Variants in RSPO2 observed in about 807,000 individuals in gnomAD.
RSPO2 encodes the protein R-spondin 2.
Under a neutral mutation model 30.9 loss-of-function variants are expected in RSPO2, and 14 were observed. The ratio of observed to expected loss-of-function variants is 0.45; its 90% CI spans 0.30 to 0.71. RSPO2 has a LOEUF of 0.71. Among genes scored for constraint, RSPO2 ranks in the 30% least tolerant of loss-of-function variants. The probability of loss-of-function intolerance (pLI) is 0.08; values close to 1 mark genes in which losing one functional copy is unlikely to be tolerated. For missense variants in RSPO2, 264 were observed against 301.9 expected, an observed-to-expected ratio of 0.87 and a Z score of 0.93; for synonymous variants, 107 against 96.4, an observed-to-expected ratio of 1.11 and a Z score of -0.64.
Position 107,953,207 on chromosome 8 carries a change from C to A in RSPO2, c.616+4873G>T, listed in dbSNP as rs1423362562. On this transcript the variant is annotated intron_variant, in intron 5 of 5. Transcript: ENST00000276659. Reference sequence around the variant, plus strand: ...GAGATGGGGATCAGGTTACCCAGGGCTTCTGTGTAGGCCAAGGAGCAATGG... The same window carrying A: ...GAGATGGGGATCAGGTTACCCAGGGATTCTGTGTAGGCCAAGGAGCAATGG... Among the ~76,000 whole-genome samples, 3 of 152,196 alleles carry A rather than the reference C, an allele frequency of 2.0e-5. No individual in the cohort carries two copies. In the East Asian group the frequency reaches 5.8e-4, roughly 29 times the overall value.
At chr8:107,916,345 C>T (rs768233550) in intron 5 of RSPO2, among the ~76,000 whole-genome samples, 4 of 152,118 alleles carry the variant, frequency 2.6e-5, no homozygotes, top group Non-Finnish European at 4.4e-5. Context: ...GTTAGCCATG[C>T]CCCACCTAGT....
chr8:108,001,002 T>TA (rs577921094), intron 2 of RSPO2, among the ~76,000 whole-genome samples: 2 of 143,450 alleles, frequency 1.4e-5, no homozygotes, highest in Non-Finnish European at 3.0e-5. Context: ...CACTCTGTCT[T>TA]AAAAAAATAA....
In RSPO2 at chr8:107,939,246, A is replaced by G. The variant is rs191348119; in HGVS notation, c.616+18834T>C. Among the ~76,000 whole-genome samples, 14 of 152,156 alleles carry G rather than the reference A, an allele frequency of 9.2e-5. No individual in the cohort carries two copies. The East Asian group carries it at 2.5e-3, about 27-fold the overall frequency. ...TCATTTTCTGCAGAATGTTTCAGAA[A>G]CTTGAAACCTCCCACACTTTCCCCA... is the stretch of plus-strand genomic sequence containing the variant. On this transcript the variant is annotated intron_variant, in intron 5 of 5. Transcript: ENST00000276659.
chr8:108,082,411 G>A, intron 2 of RSPO2, 134 bp downstream of exon 2: 4 of 658,170 alleles, frequency 6.1e-6, no homozygotes, highest in Non-Finnish European at 1.1e-5. Flanking sequence ...TAAAGGTGGG[G>A]ACTGGGGACC....
At chr8:107,945,241 C>CTTTT (rs754722790) in intron 5 of RSPO2, among the ~76,000 whole-genome samples, 1,004 of 74,852 alleles carry the variant, frequency 0.013, 11 homozygotes, top group East Asian at 0.026. Context: ...ATTCTTTTAC[C>CTTTT]TTTTTTTTTT....
At chr8:108,056,623 C>CAAAAAAAAAAAACAAAAAAAGAA (rs1812253753) in intron 2 of RSPO2, among the ~76,000 whole-genome samples, 1 of 71,844 alleles carries the variant, frequency 1.4e-5, no homozygotes, top group African/African-American at 6.3e-5. Flanking sequence ...AGACCCGTCT[C>CAAAAAAAAAAAACAAAAAAAGAA]AAAAAAAAAA....
At chr8:107,964,393 C>T (rs777535743) in intron 3 of RSPO2, among the ~76,000 whole-genome samples, 2 of 152,154 alleles carry the variant, frequency 1.3e-5, no homozygotes, top group Admixed American at 6.5e-5. Flanking sequence ...AGGCATCATG[C>T]GCCACCATGC....
At chr8:108,063,480 T>TGC (rs1251793220) in intron 2 of RSPO2, among the ~76,000 whole-genome samples, 8 of 151,764 alleles carry the variant, frequency 5.3e-5, no homozygotes, top group Non-Finnish European at 2.9e-5. Context: ...ACAAGGGACA[T>TGC]GAAGGACCTC....
At chr8:107,904,851 A>G (rs1283255323) in intron 5 of RSPO2, among the ~76,000 whole-genome samples, 1 of 152,146 alleles carries the variant, frequency 6.6e-6, no homozygotes, top group Non-Finnish European at 1.5e-5. Flanking sequence ...CTCAAAATGA[A>G]CAAAATTAGA....
At chr8:107,988,687 G>T (rs761554880) in intron 3 of RSPO2, among the ~76,000 whole-genome samples, 6 of 152,094 alleles carry the variant, frequency 3.9e-5, no homozygotes, top group Non-Finnish European at 8.8e-5. Context: ...GAGCACAGCG[G>T]TGCTATCTCA....
chr8:107,972,190 GGA>G (rs1814024375), intron 3 of RSPO2, among the ~76,000 whole-genome samples: 2 of 151,766 alleles, frequency 1.3e-5, no homozygotes, highest in African/African-American at 4.8e-5. Context: ...CTGTCACCCG[GGA>G]TGGAGTGCAG....
intron 2 of RSPO2, among the ~76,000 whole-genome samples, chr8:108,065,895 G>T (rs1214215647): frequency 3.3e-5 from 5 of 152,034 alleles, no homozygotes; most frequent in Non-Finnish European, 7.4e-5. Context: ...AAAATTAGCT[G>T]GGCATGGTGG....
intron 2 of RSPO2, among the ~76,000 whole-genome samples, chr8:108,022,661 C>T (rs1438472239): frequency 6.6e-6 from 1 of 152,114 alleles, no homozygotes; most frequent in Non-Finnish European, 1.5e-5. Flanking sequence ...CATGGTGGCT[C>T]ATGCCTGTAA....
intron 2 of RSPO2, among the ~76,000 whole-genome samples, chr8:107,995,960 C>A (rs771541272): frequency 6.6e-6 from 1 of 151,976 alleles, no homozygotes; most frequent in Non-Finnish European, 1.5e-5. Flanking sequence ...CATAGCTGAC[C>A]AAAAATAAGC....
chr8:108,056,623 CAAAAA>C (rs56256415), intron 2 of RSPO2, among the ~76,000 whole-genome samples: 50 of 71,830 alleles, frequency 7.0e-4, no homozygotes, highest in Middle Eastern at 7.8e-3. Context: ...AGACCCGTCT[CAAAAA>C]AAAAAAAAAA....
intron 3 of RSPO2, among the ~76,000 whole-genome samples, chr8:107,969,035 G>C (rs1329658636): frequency 6.6e-6 from 1 of 152,026 alleles, no homozygotes; most frequent in Non-Finnish European, 1.5e-5. Context: ...TGAACATTAG[G>C]AACCAGGAGT....
At chr8:107,976,365 G>A (rs1473290412) in intron 3 of RSPO2, among the ~76,000 whole-genome samples, 1 of 152,230 alleles carries the variant, frequency 6.6e-6, no homozygotes, top group Non-Finnish European at 1.5e-5. Context: ...TCTCCATACT[G>A]TGTGTCCTTT....
intron 3 of RSPO2, among the ~76,000 whole-genome samples, chr8:107,987,839 G>T (rs554989174): frequency 6.6e-6 from 1 of 152,206 alleles, no homozygotes; most frequent in Non-Finnish European, 1.5e-5. Context: ...TGTCTTGCCT[G>T]AATAGACACA....
intron 2 of RSPO2, among the ~76,000 whole-genome samples, chr8:108,015,016 T>G (rs185906312): frequency 1.3e-3 from 194 of 152,274 alleles, no homozygotes; most frequent in African/African-American, 4.4e-3. Context: ...TATAGCCCAC[T>G]TCTTGATTAA....
Sources: allele counts gnomAD v4.1 joint callset (sites outside exome capture counted in the v4.1 genomes callset), GRCh38; gene constraint gnomAD v4.1.1; transcripts MANE v1.5; gene names NCBI Gene and HGNC (gene_info 2026-07-23, HGNC 2026-07-21).